ADGRB1: variants seen among roughly 807,000 people sequenced by gnomAD.
ADGRB1 encodes the protein adhesion G protein-coupled receptor B1.
ADGRB1 carries 36 observed loss-of-function variants against 175.7 expected under a neutral mutation model. That is an observed-to-expected ratio of 0.20 (90% CI 0.16 to 0.27). The LOEUF is 0.27. Among genes scored for constraint, ADGRB1 ranks in the 10% least tolerant of loss-of-function variants. The pLI is 1.00. For missense variants in ADGRB1, 1,731 were observed against 2,255.3 expected (o/e 0.77, Z 4.71); for synonymous variants, 1,054 against 979.4 (o/e 1.08, Z -1.42).
intron 23 of ADGRB1, 122 bp downstream of exon 23, chr8:142,524,426 A>C: frequency 1.8e-6 from 2 of 1,103,054 alleles, no homozygotes; most frequent in Non-Finnish European, 2.6e-6. Flanking sequence ...GATGGCCCTC[A>C]TGGCCCTCAT....
intron 3 of ADGRB1, among the ~76,000 whole-genome samples, chr8:142,476,068 G>A (rs1024774522): frequency 1.3e-5 from 2 of 152,254 alleles, no homozygotes; most frequent in Non-Finnish European, 2.9e-5. Context: ...AAGCCAGCCC[G>A]CCTGCCCCAG....
In ADGRB1 at chr8:142,493,827, CA is replaced by C. The variant is rs1297514438; in HGVS notation, c.2675+3013del. On this transcript the variant is annotated intron_variant, in intron 17 of 30. Coordinates refer to ENST00000517894, the MANE Select transcript of ADGRB1 (RefSeq NM_001702.3). This position sits in a 1 kb window ranked among gnomAD's most constrained non-coding sequence, Gnocchi z 5.0. ...CCTCGGTCCCCTTCCTTCTGCCCCT[CA>C]CCTCCCCTCCACTCTGAGTTGGATG... 6.6e-6 allele frequency among the ~76,000 whole-genome samples: 1 copy of C among 152,216 alleles called. No individual in the cohort carries two copies. Among genetic ancestry groups the C allele is most frequent in the Non-Finnish European group, 1.5e-5 (1 of 68,024 alleles).
In ADGRB1 at chr8:142,455,775, C is replaced by T. The variant is rs1314353871; in HGVS notation, c.-220+5671C>T. Among the ~76,000 whole-genome samples the T allele has an allele frequency of 6.6e-6, 1 of 152,180 alleles. No homozygotes were observed. Among genetic ancestry groups the T allele is most frequent in the Admixed American group, 6.5e-5 (1 of 15,288 alleles). On this transcript the variant is annotated intron_variant, in intron 1 of 30. Transcript: ENST00000517894. The surrounding 1 kb of genome is among the most constrained non-coding windows in gnomAD (Gnocchi z 4.9). ...CTGAGAAGATGGTGCTGGCTGGGCA[C>T]TGGCCTGGGTGCAAGGCGGGGAAGG... is the stretch of plus-strand genomic sequence containing the variant.
In ADGRB1 at chr8:142,520,814, T is replaced by C. The variant is rs1843794522; in HGVS notation, c.2922-9T>C. Reference sequence around the variant, plus strand: ...GGGTGCTGACCTTGGGCCCCTGCACTCTCCACAGGTACATTCGCTCAGAGC... The same window carrying C: ...GGGTGCTGACCTTGGGCCCCTGCACCCTCCACAGGTACATTCGCTCAGAGC... On this transcript the variant is annotated splice_polypyrimidine_tract_variant and intron_variant, in intron 19 of 30. Transcript: ENST00000517894. The C allele has an allele frequency of 6.2e-7, 1 of 1,612,250 alleles. No homozygotes were observed. Among genetic ancestry groups the C allele is most frequent in the Non-Finnish European group, 8.5e-7 (1 of 1,178,704 alleles).
In ADGRB1 at chr8:142,537,849, C is replaced by T. The variant is rs992662869; in HGVS notation, c.3666+767C>T. 3.9e-5 allele frequency among the ~76,000 whole-genome samples: 6 copies of T among 152,178 alleles called. No individual in the cohort carries two copies. The highest frequency in any genetic ancestry group is 1.2e-4 in the African/African-American group (5 of 41,438). ...TTCCACACCTCGACCTCAGCATCTT[C>T]CTCCTGCAGCCTTGTGCCCCTGGGG... On this transcript the variant is annotated intron_variant, in intron 26 of 30. Transcript: ENST00000517894. The surrounding 1 kb of genome is among the most constrained non-coding windows in gnomAD (Gnocchi z 4.6).
intron 10 of ADGRB1, 23 bp from the exon 11 acceptor site, chr8:142,481,494 C>A (rs780264258): frequency 6.4e-7 from 1 of 1,570,752 alleles, no homozygotes; most frequent in Admixed American, 1.8e-5. Flanking sequence ...GGTGAAGGCA[C>A]CCGCCCTCTC....
Position 142,504,748 on chromosome 8 carries a change from G to A in ADGRB1, c.2676-6184G>A, listed in dbSNP as rs539965991. Among the ~76,000 whole-genome samples, 2 of 152,160 alleles carry A rather than the reference G, an allele frequency of 1.3e-5. No individual in the cohort carries two copies. The highest frequency in any genetic ancestry group is 2.9e-5 in the Non-Finnish European group (2 of 67,964). ...TTGTACCTAGGGGTGATCGAGCCGC[G>A]TGTTGGTTTAAGGGGCACTGGGGAG... On this transcript the variant is annotated intron_variant, in intron 17 of 30. Transcript: ENST00000517894. This position sits in a 1 kb window ranked among gnomAD's most constrained non-coding sequence, Gnocchi z 5.6.
rs1163286135 is a variant in ADGRB1 at position 142,478,172 on chromosome 8, T to A, written c.1388-15T>A. ...CGGGTGTTCACGCCCACTTTGTGTC[T>A]CCTTCCTCCCCCGGGCCGGGCAGTG... is the stretch of plus-strand genomic sequence containing the variant. On this transcript the variant is annotated splice_polypyrimidine_tract_variant and intron_variant, in intron 6 of 30. Transcript: ENST00000517894. The A allele has an allele frequency of 2.5e-6, 4 of 1,593,526 alleles. No homozygotes were observed. Among genetic ancestry groups the A allele is most frequent in the African/African-American group, 1.3e-5 (1 of 74,438 alleles).
In ADGRB1 at chr8:142,464,087, CCTCCCTG is replaced by C; in HGVS notation, c.-110_-104del. 1 of 819,664 alleles carries C rather than the reference CCTCCCTG, an allele frequency of 1.2e-6. No individual in the cohort carries two copies. Among genetic ancestry groups the C allele is most frequent in the Non-Finnish European group, 1.6e-6 (1 of 630,652 alleles). The allele number at this position is 819,664 out of a possible 1,614,324, so 50.8% of individuals were successfully genotyped here. A position where few individuals can be genotyped will look rare whatever the true frequency, so the allele number is the denominator to read the frequency against. On this transcript the variant is annotated 5_prime_UTR_variant, in exon 2 of 31. Transcript: ENST00000517894. ...CCTCTCCCATCCCACCCTTGCCCCG[CCTCCCTG>C]CCCCCACCGGGCCGGCCCTGCCCGC...
chr8:142,541,829 C>T, intron 27 of ADGRB1, 112 bp from the exon 28 acceptor site: 5 of 1,182,306 alleles, frequency 4.2e-6, no homozygotes, highest in African/African-American at 1.5e-5. Flanking sequence ...CCAGGGTCTC[C>T]CAGGAGGTGG....
At chr8:142,506,323 C>G (rs1587368365) in intron 17 of ADGRB1, among the ~76,000 whole-genome samples, 2 of 152,286 alleles carry the variant, frequency 1.3e-5, no homozygotes, top group South Asian at 2.1e-4. Flanking sequence ...TCTGAGGGTC[C>G]CAGGTCGCTC....
intron 2 of ADGRB1, among the ~76,000 whole-genome samples, chr8:142,467,080 G>T (rs530609519): frequency 3.5e-4 from 54 of 152,212 alleles, no homozygotes; most frequent in East Asian, 1.9e-4. Context: ...CATGTGACGC[G>T]TGGAGAGGCT....
At chr8:142,517,051 G>A (rs1028481568) in intron 18 of ADGRB1, among the ~76,000 whole-genome samples, 2 of 152,164 alleles carry the variant, frequency 1.3e-5, no homozygotes, top group African/African-American at 4.8e-5. Context: ...GAGTGCAGTG[G>A]CCAGAGGCAC....
Position 142,464,204 on chromosome 8 carries a change from G to A in ADGRB1, c.6G>A (p.Arg2=), listed in dbSNP as rs1007548712. 21 of 1,283,544 alleles carry A rather than the reference G, an allele frequency of 1.6e-5. No individual in the cohort carries two copies. Among genetic ancestry groups the A allele is most frequent in the Non-Finnish European group, 2.0e-5 (20 of 1,021,300 alleles). The allele number at this position is 1,283,544 out of a possible 1,614,324, so 79.5% of individuals were successfully genotyped here. Residue 2 remains arginine, a synonymous_variant, in exon 2 of 31, where the codon AGG becomes AGA. Transcript: ENST00000517894. The part of the protein sequence containing the change: M[R]GQAAAPGPVW... ...CGGCGGCCCCGCGAGCTAGGATGAG[G>A]GGCCAGGCCGCCGCCCCGGGCCCCG... is the stretch of plus-strand genomic sequence containing the variant.
Position 142,464,240 on chromosome 8 carries a change from C to T in ADGRB1, c.42C>T (p.Leu14=). The stretch of plus-strand genomic sequence containing the variant: ...CCGCCCCGGGCCCCGTCTGGATCCT[C>T]GCCCCGCTGCTACTGCTGCTGCTGC... ...QAAAPGPVWI[L]APLLLLLLLL... The change falls in exon 2 of 31, where the codon CTC becomes CTT. Residue 14 remains leucine (L), a synonymous_variant. Transcript: ENST00000517894. 2 of 1,337,874 alleles carry T rather than the reference C, an allele frequency of 1.5e-6. No individual in the cohort carries two copies. Among genetic ancestry groups the T allele is most frequent in the Non-Finnish European group, 9.5e-7 (1 of 1,052,896 alleles). The allele number at this position is 1,337,874 out of a possible 1,614,324, so 82.9% of individuals were successfully genotyped here.
rs997167514 is a variant in ADGRB1, at chr8:142,511,414, C to T, written c.2817+341C>T. Among the ~76,000 whole-genome samples, 2 of 152,112 alleles carry T rather than the reference C, an allele frequency of 1.3e-5. No individual in the cohort carries two copies. Among genetic ancestry groups the T allele is most frequent in the African/African-American group, 4.8e-5 (2 of 41,442 alleles). On this transcript the variant is annotated intron_variant, in intron 18 of 30. Transcript: ENST00000517894. This position sits in a 1 kb window ranked among gnomAD's most constrained non-coding sequence, Gnocchi z 4.5. ...GAGAGGCTGGGTCCTGAGCCGGGGG[C>T]TGGGAGGCGTCGCCTGTGGAGGGGC...
rs1843007736 is a variant in ADGRB1 at position 142,510,179 on chromosome 8, A to G, written c.2676-753A>G. Reference sequence around the variant, plus strand: ...TGCAGAGCAGGTCAGTCCCTGGTGCACCAAGTAACAAGTCCTGTGCTTAAA... The same window carrying G: ...TGCAGAGCAGGTCAGTCCCTGGTGCGCCAAGTAACAAGTCCTGTGCTTAAA... On this transcript the variant is annotated intron_variant, in intron 17 of 30. Transcript: ENST00000517894. The surrounding 1 kb of genome is among the most constrained non-coding windows in gnomAD (Gnocchi z 6.3). Among the ~76,000 whole-genome samples the G allele has an allele frequency of 1.3e-5, 2 of 152,138 alleles. No homozygotes were observed. The highest frequency in any genetic ancestry group is 2.9e-5 in the Non-Finnish European group (2 of 68,004).
At chr8:142,486,508 C>T (rs1434816149) in intron 13 of ADGRB1, among the ~76,000 whole-genome samples, 1 of 152,146 alleles carries the variant, frequency 6.6e-6, no homozygotes, top group Admixed American at 6.5e-5. Flanking sequence ...TGTCCCATCC[C>T]CAGGCCTAAA....
intron 17 of ADGRB1, among the ~76,000 whole-genome samples, chr8:142,499,682 G>C (rs979433653): frequency 1.1e-4 from 16 of 152,230 alleles, no homozygotes; most frequent in African/African-American, 3.9e-4. Context: ...CTGGGCCTCC[G>C]GGGGCCCCTT....
Sources: allele counts gnomAD v4.1 joint callset (sites outside exome capture counted in the v4.1 genomes callset), GRCh38; gene constraint gnomAD v4.1.1; non-coding constraint Gnocchi (gnomAD v3.1); transcripts MANE v1.5; gene names NCBI Gene and HGNC (gene_info 2026-07-23, HGNC 2026-07-21).